EYS: variants seen among roughly 807,000 people sequenced by gnomAD.
EYS encodes the protein protein eyes shut homolog.
Under a neutral mutation model 282.1 loss-of-function variants are expected in EYS, and 250 were observed. That is an observed-to-expected ratio of 0.89 (90% CI 0.80 to 0.98). The LOEUF is 0.98. EYS is among the 50% of genes least tolerant of loss of function. The pLI, the probability that EYS is intolerant of heterozygous loss-of-function variation, is 0.00. For synonymous variants in EYS, 1,355 were observed against 1,282.9 expected, an observed-to-expected ratio of 1.06 and a Z score of -1.20; for missense variants, 4,016 against 3,709.0, an observed-to-expected ratio of 1.08 and a Z score of -2.15.
At position 65,057,747 on chromosome 6, in the gene EYS, A is replaced by C; in HGVS notation, c.2024-20T>G. 1 of 1,454,482 alleles carries C rather than the reference A, an allele frequency of 6.9e-7. No homozygotes were observed. Among genetic ancestry groups the C allele is most frequent in the Non-Finnish European group, 9.4e-7 (1 of 1,058,584 alleles). The allele number at this position is 1,454,482 out of a possible 1,614,324, so 90.1% of individuals were successfully genotyped here. On this transcript the variant is annotated intron_variant, in intron 12 of 42. Coordinates refer to ENST00000503581, the MANE Select transcript of EYS (RefSeq NM_001142800.2). ...GCGTACCTTTGGAAAATAGGAAAAA[A>C]AAATGTTAAGTGTTAACAAGACAGG...
At chr6:65,447,741 T>C (rs530407124) in intron 5 of EYS, among the ~76,000 whole-genome samples, 1 of 147,524 alleles carries the variant, frequency 6.8e-6, no homozygotes, top group South Asian at 2.1e-4. Context: ...GTGGAATGGT[T>C]TGTGTTTTGC....
At chr6:64,536,602 T>A (rs1764526751) in intron 26 of EYS, among the ~76,000 whole-genome samples, 1 of 152,074 alleles carries the variant, frequency 6.6e-6, no homozygotes, top group Admixed American at 6.6e-5. Flanking sequence ...ATCTTTATAT[T>A]TTCTCCCCAA....
In EYS at chr6:64,268,862, C is replaced by T. The variant is rs1182170201; in HGVS notation, c.6192-38038G>A. 2.0e-5 allele frequency among the ~76,000 whole-genome samples: 3 copies of T among 152,152 alleles called. No homozygotes were observed. The East Asian group carries it at 5.8e-4, about 29-fold the overall frequency. On this transcript the variant is annotated intron_variant, in intron 30 of 42. Transcript: ENST00000503581. Reference sequence around the variant, plus strand: ...ATTTGCCATGGTTTAGCTCTTCTTTCTCTTTGGAAGAGAGAATTGATAAAT... The same window carrying T: ...ATTTGCCATGGTTTAGCTCTTCTTTTTCTTTGGAAGAGAGAATTGATAAAT...
chr6:63,966,771 T>C (rs1766330953), intron 35 of EYS, among the ~76,000 whole-genome samples: 2 of 152,180 alleles, frequency 1.3e-5, no homozygotes, highest in South Asian at 4.1e-4. Flanking sequence ...ACTGAGATAA[T>C]ACGTATAGAG....
intron 24 of EYS, among the ~76,000 whole-genome samples, chr6:64,595,711 T>C (rs1318886817): frequency 6.6e-6 from 1 of 151,844 alleles, no homozygotes; most frequent in African/African-American, 2.4e-5. Flanking sequence ...AAGAAATACA[T>C]AGGAATAAAT....
intron 2 of EYS, among the ~76,000 whole-genome samples, chr6:65,629,241 T>C (rs76385824): frequency 0.025 from 3,879 of 152,302 alleles, 73 homozygotes; most frequent in East Asian, 0.077. Flanking sequence ...ATTAAAAGAA[T>C]AGTATGTTTT....
At position 65,091,626 on chromosome 6, in the gene EYS, C is replaced by T. The variant is rs73765758; in HGVS notation, c.2024-33899G>A. Among the ~76,000 whole-genome samples, 433 of 152,010 alleles carry T rather than the reference C, an allele frequency of 2.8e-3. 6 individuals are homozygous for T. The highest frequency in any genetic ancestry group is 0.01 in the Middle Eastern group (3 of 294). On this transcript the variant is annotated intron_variant, in intron 12 of 42. Coordinates refer to ENST00000503581, the MANE Select transcript of EYS (RefSeq NM_001142800.2). Reference sequence around the variant, plus strand: ...GTTAAAATGCTAAGGTTAATCTTCACGTAGTTTGAGTTTTTATTGTATTTA... The same window carrying T: ...GTTAAAATGCTAAGGTTAATCTTCATGTAGTTTGAGTTTTTATTGTATTTA...
At chr6:64,420,290 G>A (rs58772219) in intron 28 of EYS, among the ~76,000 whole-genome samples, 5,859 of 152,108 alleles carry the variant, frequency 0.039, 367 homozygotes, top group African/African-American at 0.13. Flanking sequence ...GCATACAGCC[G>A]GGGGAGCCTG....
chr6:64,656,313 G>A (rs573527703), intron 22 of EYS, among the ~76,000 whole-genome samples: 178 of 152,224 alleles, frequency 1.2e-3, no homozygotes, highest in African/African-American at 3.5e-3. Flanking sequence ...TTGAGAGTGA[G>A]TTAGGGGAGC....
chr6:65,510,178 C>G (rs978391069), intron 2 of EYS, among the ~76,000 whole-genome samples: 5 of 116,170 alleles, frequency 4.3e-5, no homozygotes, highest in Non-Finnish European at 8.7e-5. Context: ...CCCCTCCCCC[C>G]ACCCCACAAC....
chr6:64,170,083 A>G (rs1562236061), intron 31 of EYS, among the ~76,000 whole-genome samples: 1 of 152,200 alleles, frequency 6.6e-6, no homozygotes, highest in Non-Finnish European at 1.5e-5. Context: ...CAATGCGAAC[A>G]GCTGGGAGAG....
intron 8 of EYS, among the ~76,000 whole-genome samples, chr6:65,354,404 T>G (rs1197308113): frequency 6.6e-6 from 1 of 152,114 alleles, no homozygotes; most frequent in African/African-American, 2.4e-5. Context: ...ATTAATGAAA[T>G]TACTACACTA....
chr6:63,975,335 A>G (rs1766783491), intron 35 of EYS, among the ~76,000 whole-genome samples: 2 of 151,998 alleles, frequency 1.3e-5, no homozygotes, highest in African/African-American at 4.8e-5. Flanking sequence ...GAGGCTCTAC[A>G]GCACTCATAG....
At position 63,976,620 on chromosome 6, in the gene EYS, C is replaced by A. The variant is rs536926190; in HGVS notation, c.7055+7763G>T. ...AGCATCCTTTCAGTGTCTATAAAAG[C>A]TCAGTCTCTTGAATTCTTTTTGAAC... On this transcript the variant is annotated intron_variant, in intron 35 of 42. Transcript: ENST00000503581. Among the ~76,000 whole-genome samples the A allele has an allele frequency of 1.3e-3, 201 of 152,144 alleles. 1 individual carries two copies. Among genetic ancestry groups the A allele is most frequent in the African/African-American group, 4.7e-3 (196 of 41,554 alleles).
At chr6:64,819,455 A>C (rs2150020397) in intron 21 of EYS, among the ~76,000 whole-genome samples, 1 of 152,238 alleles carries the variant, frequency 6.6e-6, no homozygotes, top group Non-Finnish European at 1.5e-5. Context: ...ACCCATATAT[A>C]GAAATCTATT....
chr6:65,237,845 TATC>T (rs1336285545), intron 12 of EYS, among the ~76,000 whole-genome samples: 1 of 152,164 alleles, frequency 6.6e-6, no homozygotes, highest in African/African-American at 2.4e-5. Flanking sequence ...AAGAAATTGA[TATC>T]ATACAGTGTA....
At chr6:64,714,817 T>C (rs968497663) in intron 22 of EYS, among the ~76,000 whole-genome samples, 2 of 152,094 alleles carry the variant, frequency 1.3e-5, no homozygotes, top group African/African-American at 2.4e-5. Context: ...TGAGCCACCA[T>C]GCCCGGCCTA....
intron 22 of EYS, among the ~76,000 whole-genome samples, chr6:64,810,135 T>A (rs1479551139): frequency 1.3e-5 from 2 of 151,986 alleles, no homozygotes; most frequent in Admixed American, 1.3e-4. Flanking sequence ...AGAATAATTT[T>A]AAAAATTCCC....
intron 31 of EYS, among the ~76,000 whole-genome samples, chr6:64,153,283 T>C (rs1774804545): frequency 6.6e-6 from 1 of 152,176 alleles, no homozygotes; most frequent in Admixed American, 6.5e-5. Context: ...ACACTTGTGT[T>C]TATAAATGTA....
Sources: gnomAD v4.1 joint callset for allele counts (sites outside exome capture counted in the v4.1 genomes callset) on GRCh38, gnomAD v4.1.1 for gene constraint, MANE v1.5 for transcripts, NCBI Gene and HGNC (gene_info 2026-07-23, HGNC 2026-07-21) for gene names.